SH3BGRL: variants seen among roughly 807,000 people sequenced by gnomAD.
SH3BGRL encodes the protein adapter SH3BGRL.
Under a neutral mutation model 9.8 loss-of-function variants are expected in SH3BGRL, and 7 were observed. The observed-to-expected ratio is 0.72, with a 90% CI of 0.41 to 1.35. The LOEUF is 1.35. Ranked by LOEUF, SH3BGRL falls within the 40% of genes most tolerant of loss-of-function variation. The probability of loss-of-function intolerance (pLI) is 0.01; values close to 1 mark genes in which losing one functional copy is unlikely to be tolerated. For missense variants in SH3BGRL, 73 were observed against 84.4 expected (o/e 0.86, Z 0.53); for synonymous variants, 36 against 29.1 (o/e 1.24, Z -0.76).
At chrX:81,225,317 G>A (rs2075613475) in intron 1 of SH3BGRL, among the ~76,000 whole-genome samples, 1 of 110,760 alleles carries the variant, frequency 9.0e-6, no homozygotes, top group Non-Finnish European at 1.9e-5. Flanking sequence ...TACAAATGCA[G>A]TTTTCTTACA....
At chrX:81,233,226 C>G (rs191420567) in intron 1 of SH3BGRL, among the ~76,000 whole-genome samples, 1 of 111,929 alleles carries the variant, frequency 8.9e-6, no homozygotes, top group African/African-American at 3.2e-5. Flanking sequence ...GTTTAAACAA[C>G]AGCATCTACA....
intron 1 of SH3BGRL, among the ~76,000 whole-genome samples, chrX:81,275,780 G>T (rs762053369): frequency 8.0e-5 from 9 of 111,997 alleles, no homozygotes; most frequent in Non-Finnish European, 1.3e-4. Context: ...AAAACTTTCC[G>T]TTTCTTTTGG....
chrX:81,221,270 T>C (rs2075599276), intron 1 of SH3BGRL, among the ~76,000 whole-genome samples: 1 of 111,769 alleles, frequency 8.9e-6, no homozygotes, highest in Non-Finnish European at 1.9e-5. Flanking sequence ...GCTCTAATAA[T>C]TTTTGCCTTA....
At chrX:81,202,494 C>A in intron 1 of SH3BGRL, 1 of 974,951 alleles carries the variant, frequency 1.0e-6, no homozygotes, top group Non-Finnish European at 1.3e-6. Flanking sequence ...TGAAGGAAAA[C>A]GAAAGCTACC....
chrX:81,237,222 T>A lies in SH3BGRL; in HGVS notation c.45+34977T>A, dbSNP rs867061996. 83 of 364,509 alleles carry A rather than the reference T, an allele frequency of 2.3e-4. 1 individual carries two copies. Among genetic ancestry groups the A allele is most frequent in the Non-Finnish European group, 3.7e-4 (75 of 201,572 alleles). The allele number at this position is 364,509 out of a possible 1,213,427, so 30.0% of individuals were successfully genotyped here. ...TACATGCACACACACAAAAGCTTCA[T>A]CAATTTAACAACTATCTACATGCAC... is the stretch of plus-strand genomic sequence containing the variant. On this transcript the variant is annotated intron_variant, in intron 1 of 3. Coordinates refer to ENST00000373212, the MANE Select transcript of SH3BGRL (RefSeq NM_003022.3).
intron 1 of SH3BGRL, among the ~76,000 whole-genome samples, chrX:81,210,829 C>T (rs999372819): frequency 2.7e-5 from 3 of 112,016 alleles, no homozygotes; most frequent in Non-Finnish European, 5.6e-5. Flanking sequence ...TATAGCAATA[C>T]GTGGTCTATA....
At chrX:81,283,852 C>T (rs1443219299) in intron 3 of SH3BGRL, among the ~76,000 whole-genome samples, 4 of 110,733 alleles carry the variant, frequency 3.6e-5, no homozygotes, top group African/African-American at 1.3e-4. Flanking sequence ...TAAAGGGCAT[C>T]CAAATTGGTA....
chrX:81,296,113 A>G (rs1271978855), intron 3 of SH3BGRL, among the ~76,000 whole-genome samples: 1 of 111,685 alleles, frequency 9.0e-6, no homozygotes, highest in African/African-American at 3.3e-5. Context: ...GAAACTTACA[A>G]TCATGGCAAA....
intron 1 of SH3BGRL, among the ~76,000 whole-genome samples, chrX:81,220,601 TC>T (rs779438353): frequency 2.3e-4 from 25 of 110,655 alleles, no homozygotes; most frequent in African/African-American, 6.5e-4. Context: ...TGTTTTTTTT[TC>T]ATTTCAATTT....
At chrX:81,271,978 A>G (rs2075781343) in intron 1 of SH3BGRL, among the ~76,000 whole-genome samples, 1 of 110,409 alleles carries the variant, frequency 9.1e-6, no homozygotes, top group Admixed American at 9.7e-5. Context: ...GCGGATCATG[A>G]GGTCAGGAGA....
At chrX:81,238,431 A>G (rs2075655717) in intron 1 of SH3BGRL, among the ~76,000 whole-genome samples, 1 of 112,375 alleles carries the variant, frequency 8.9e-6, no homozygotes, top group Non-Finnish European at 1.9e-5. Context: ...AGTGAACAGT[A>G]GAAAGGACTA....
chrX:81,297,395 A>C lies in SH3BGRL; in HGVS notation c.*168A>C. 1 of 397,773 alleles carries C rather than the reference A, an allele frequency of 2.5e-6. No homozygotes were observed. Among genetic ancestry groups the C allele is most frequent in the Non-Finnish European group, 4.4e-6 (1 of 225,840 alleles). 32.8% of individuals were successfully genotyped at this position (397,773 alleles called of 1,213,427 possible). A position where few individuals can be genotyped will look rare whatever the true frequency, so the allele number is the denominator to read the frequency against. On this transcript the variant is annotated 3_prime_UTR_variant, in exon 4 of 4. Transcript: ENST00000373212. ...ATGAATACAAAATTAAAATTTGAAC[A>C]TTATGGTGATTATGGTGAGGAGAAT...
At chrX:81,247,259 G>T (rs768471253) in intron 1 of SH3BGRL, among the ~76,000 whole-genome samples, 1 of 111,696 alleles carries the variant, frequency 9.0e-6, no homozygotes, top group African/African-American at 3.3e-5. Flanking sequence ...TCTGTGATGA[G>T]AGATAATTTG....
chrX:81,278,287 A>G (rs770300162), intron 2 of SH3BGRL, 44 bp from the exon 3 acceptor site: 2 of 944,580 alleles, frequency 2.1e-6, no homozygotes, highest in Admixed American at 5.2e-5. Flanking sequence ...TTTTTCTTTT[A>G]TTGGTTGCAT....
intron 1 of SH3BGRL, among the ~76,000 whole-genome samples, chrX:81,233,989 C>T (rs750210616): frequency 9.0e-6 from 1 of 111,507 alleles, no homozygotes; most frequent in East Asian, 2.8e-4. Context: ...TTTTAAATGT[C>T]CTGTTGAGGA....
At chrX:81,206,582 TA>T (rs2075548664) in intron 1 of SH3BGRL, among the ~76,000 whole-genome samples, 1 of 110,426 alleles carries the variant, frequency 9.1e-6, no homozygotes, top group Non-Finnish European at 1.9e-5. Context: ...TGGCAACTAG[TA>T]GGCATGAGGA....
chrX:81,259,450 G>A (rs1017356588), intron 1 of SH3BGRL, among the ~76,000 whole-genome samples: 4 of 111,882 alleles, frequency 3.6e-5, no homozygotes, highest in Non-Finnish European at 7.5e-5. Flanking sequence ...TTCCCCTAGA[G>A]AGAATTGAAA....
chrX:81,222,013 T>C lies in SH3BGRL; in HGVS notation c.45+19768T>C, dbSNP rs764802952. 1.2e-4 allele frequency among the ~76,000 whole-genome samples: 13 copies of C among 111,845 alleles called. No individual in the cohort carries two copies. In the East Asian group the frequency reaches 3.7e-3, roughly 32 times the overall value. On this transcript the variant is annotated intron_variant, in intron 1 of 3. Coordinates refer to ENST00000373212, the MANE Select transcript of SH3BGRL (RefSeq NM_003022.3). ...CTGTTTGTGAATTGTCCCAGAAATA[T>C]TATTATCAATTTTCTCTTAGTAAAT...
chrX:81,272,138 A>G (rs1291204472), intron 1 of SH3BGRL, among the ~76,000 whole-genome samples: 2 of 103,465 alleles, frequency 1.9e-5, no homozygotes, highest in African/African-American at 3.6e-5. Context: ...CAGAGCTTGC[A>G]GTGAGCTGAG....
Sources: gnomAD v4.1 joint callset for allele counts (sites outside exome capture counted in the v4.1 genomes callset) on GRCh38, gnomAD v4.1.1 for gene constraint, MANE v1.5 for transcripts, NCBI Gene and HGNC (gene_info 2026-07-23, HGNC 2026-07-21) for gene names.